The following MYO3A variants were observed in gnomAD, a reference collection of about 807,000 sequenced individuals.
MYO3A encodes the protein myosin-IIIa.
A neutral mutation model predicts 192.7 loss-of-function variants in MYO3A; 180 were observed. The ratio of observed to expected loss-of-function variants is 0.93; its 90% confidence interval spans 0.83 to 1.06. The LOEUF (loss-of-function observed/expected upper bound fraction) is 1.06, where lower values mean the gene tolerates loss of function less well. Among genes scored for constraint, MYO3A ranks in the 50% least tolerant of loss-of-function variants. The pLI, the probability that MYO3A is intolerant of heterozygous loss-of-function variation, is 0.00. For synonymous variants in MYO3A, 628 were observed against 645.3 expected, an observed-to-expected ratio of 0.97 and a Z score of 0.41; for missense variants, 1,896 against 1,905.0, an observed-to-expected ratio of 1.00 and a Z score of 0.09.
At chr10:26,185,203 T>A (rs1238932972) in intron 31 of MYO3A, among the ~76,000 whole-genome samples, 1 of 152,128 alleles carries the variant, frequency 6.6e-6, no homozygotes, top group Admixed American at 6.6e-5. Flanking sequence ...AAGCTAACAC[T>A]AAAGCAGATT....
intron 10 of MYO3A, among the ~76,000 whole-genome samples, chr10:26,060,582 C>T (rs1481269157): frequency 1.5e-5 from 2 of 134,496 alleles, no homozygotes; most frequent in South Asian, 4.9e-4. Context: ...ATATGTTTTC[C>T]TTACAATTCT....
chr10:26,063,258 A>T (rs61849340), intron 10 of MYO3A, among the ~76,000 whole-genome samples: 71,838 of 151,912 alleles, frequency 0.47, 17,830 homozygotes, highest in Middle Eastern at 0.59. Context: ...TTGTTTTCAT[A>T]TTTTATTAAA....
intron 14 of MYO3A, among the ~76,000 whole-genome samples, chr10:26,081,169 G>A (rs1231267600): frequency 2.1e-5 from 3 of 144,288 alleles, no homozygotes; most frequent in African/African-American, 7.9e-5. Flanking sequence ...GGGTGGGTAG[G>A]GAAGGACCGT....
At chr10:26,175,410 C>T (rs1389748871) in intron 30 of MYO3A, among the ~76,000 whole-genome samples, 1 of 152,118 alleles carries the variant, frequency 6.6e-6, no homozygotes, top group Non-Finnish European at 1.5e-5. Context: ...ACTGGATGAT[C>T]TCTAAAATAC....
At chr10:26,195,535 G>A (rs899890468) in intron 32 of MYO3A, among the ~76,000 whole-genome samples, 2 of 152,132 alleles carry the variant, frequency 1.3e-5, no homozygotes. Context: ...AAGATATGAA[G>A]GCCTGTCAAA....
At chr10:25,954,626 A>G in intron 3 of MYO3A, among the ~76,000 whole-genome samples, 1 of 152,282 alleles carries the variant, frequency 6.6e-6, no homozygotes, top group East Asian at 1.9e-4. Flanking sequence ...AATAAAAATA[A>G]CATTTTATTT....
chr10:25,982,378 C>T (rs139399290), intron 4 of MYO3A, among the ~76,000 whole-genome samples: 129 of 152,286 alleles, frequency 8.5e-4, no homozygotes, highest in African/African-American at 3.1e-3. Context: ...CTGCTCACCA[C>T]CTGAGAAACC....
intron 34 of MYO3A, among the ~76,000 whole-genome samples, chr10:26,207,402 A>G (rs1023004961): frequency 3.3e-5 from 5 of 152,064 alleles, no homozygotes; most frequent in Non-Finnish European, 7.4e-5. Context: ...TTTCATGTCT[A>G]ATGTTTAAGT....
intron 2 of MYO3A, among the ~76,000 whole-genome samples, chr10:25,947,427 C>CT (rs1836927288): frequency 1.0e-5 from 1 of 100,242 alleles, no homozygotes; most frequent in Admixed American, 1.4e-4. Context: ...GAGTTTTGCT[C>CT]TTGATACCCA....
At chr10:26,075,698 T>TATATATATGTCTCTCTCATATATATATG (rs1835507585) in intron 14 of MYO3A, among the ~76,000 whole-genome samples, 3 of 128,774 alleles carry the variant, frequency 2.3e-5, no homozygotes, top group African/African-American at 5.2e-5. Context: ...ATATATATGA[T>TATATATATGTCTCTCTCATATATATATG]ATATATATGT....
chr10:25,957,211 T>C (rs2130607439), intron 4 of MYO3A, among the ~76,000 whole-genome samples: 2 of 152,276 alleles, frequency 1.3e-5, no homozygotes, highest in East Asian at 3.9e-4. Context: ...AGGGACCCAG[T>C]GGGAAGTAAC....
intron 4 of MYO3A, among the ~76,000 whole-genome samples, chr10:25,957,028 G>A (rs1232415045): frequency 6.6e-6 from 1 of 152,114 alleles, no homozygotes; most frequent in African/African-American, 2.4e-5. Context: ...AATAGCCTCT[G>A]GCTCCAATCA....
intron 6 of MYO3A, among the ~76,000 whole-genome samples, chr10:26,012,557 A>T (rs554647821): frequency 6.6e-6 from 1 of 152,338 alleles, no homozygotes; most frequent in African/African-American, 2.4e-5. Context: ...CTCTACAAGG[A>T]GAACTACAAA....
At chr10:26,175,963 A>C (rs1196458925) in intron 30 of MYO3A, among the ~76,000 whole-genome samples, 1 of 152,192 alleles carries the variant, frequency 6.6e-6, no homozygotes, top group African/African-American at 2.4e-5. Context: ...GAATGGAAAG[A>C]GAAACCAGAA....
chr10:26,141,118 G>A (rs777236655), intron 20 of MYO3A, among the ~76,000 whole-genome samples: 38 of 152,118 alleles, frequency 2.5e-4, no homozygotes, highest in Non-Finnish European at 4.3e-4. Flanking sequence ...TAGTAGAGAT[G>A]GGGTTTCACT....
At chr10:25,962,509 T>C (rs1837997803) in intron 4 of MYO3A, among the ~76,000 whole-genome samples, 2 of 152,216 alleles carry the variant, frequency 1.3e-5, no homozygotes, top group African/African-American at 4.8e-5. Context: ...TAGGTTTTCC[T>C]AATGATGTAG....
intron 3 of MYO3A, among the ~76,000 whole-genome samples, chr10:25,953,796 A>G (rs984519931): frequency 4.6e-5 from 7 of 152,166 alleles, no homozygotes; most frequent in Admixed American, 3.9e-4. Flanking sequence ...AGCTTAATTT[A>G]TCCTTTTGCT....
At chr10:26,035,344 T>G (rs1017611125) in intron 10 of MYO3A, among the ~76,000 whole-genome samples, 4 of 152,186 alleles carry the variant, frequency 2.6e-5, no homozygotes, top group African/African-American at 9.6e-5. Flanking sequence ...GAGAAGGCCA[T>G]TGTAAGTACC....
chr10:26,041,887 T>C (rs1171886825), intron 10 of MYO3A, among the ~76,000 whole-genome samples: 8 of 152,130 alleles, frequency 5.3e-5, no homozygotes, highest in Non-Finnish European at 4.4e-5. Flanking sequence ...ATTCTGTGTT[T>C]TTCCTTGTAC....
Sources: gnomAD v4.1 joint callset for allele counts (sites outside exome capture counted in the v4.1 genomes callset) on GRCh38, gnomAD v4.1.1 for gene constraint, MANE v1.5 for transcripts, NCBI Gene and HGNC (gene_info 2026-07-23, HGNC 2026-07-21) for gene names.